PCDH17: variants seen among roughly 807,000 people sequenced by gnomAD.
PCDH17 encodes the protein protocadherin-17.
A neutral mutation model predicts 67.7 loss-of-function variants in PCDH17; 21 were observed. The ratio of observed to expected loss-of-function variants is 0.31; its 90% CI spans 0.22 to 0.45. The LOEUF (loss-of-function observed/expected upper bound fraction) is 0.45, where lower values mean the gene tolerates loss of function less well. PCDH17 is among the 20% of genes least tolerant of loss of function. The pLI, the probability that PCDH17 is intolerant of heterozygous loss-of-function variation, is 1.00. For synonymous variants in PCDH17, 701 were observed against 656.7 expected, an observed-to-expected ratio of 1.07 and a Z score of -1.03; for missense variants, 1,471 against 1,564.8, an observed-to-expected ratio of 0.94 and a Z score of 1.01.
chr13:57,677,186 A>C (rs913425243), intron 3 of PCDH17, among the ~76,000 whole-genome samples: 1 of 151,856 alleles, frequency 6.6e-6, no homozygotes, highest in African/African-American at 2.4e-5. Flanking sequence ...CATTCCAGTG[A>C]GGATTCCTAG....
chr13:57,713,775 G>C (rs1955796813), intron 3 of PCDH17, among the ~76,000 whole-genome samples: 1 of 151,374 alleles, frequency 6.6e-6, no homozygotes, highest in Admixed American at 6.6e-5. Flanking sequence ...AGGGTATTTA[G>C]CTTTAGTTTT....
chr13:57,632,274 C>A lies in PCDH17; in HGVS notation c.-273C>A, dbSNP rs1954735149. ...GAAACCCCTGGCTCACCCCCAGCCG[C>A]AGGAAGCCACCGCCTTGCTCCAAGC... On this transcript the variant is annotated 5_prime_UTR_variant, in exon 1 of 4. Coordinates refer to ENST00000377918, the MANE Select transcript of PCDH17 (RefSeq NM_001040429.3). 4.0e-6 allele frequency: 2 copies of A among 504,648 alleles called. No individual in the cohort carries two copies. Among genetic ancestry groups the A allele is most frequent in the South Asian group, 5.5e-5 (2 of 36,270 alleles). 31.3% of individuals were successfully genotyped at this position (504,648 alleles called of 1,614,324 possible).
intron 3 of PCDH17, among the ~76,000 whole-genome samples, chr13:57,680,389 T>G (rs1413128761): frequency 6.6e-6 from 1 of 151,524 alleles, no homozygotes; most frequent in Non-Finnish European, 1.5e-5. Context: ...AATTTAGAAA[T>G]GGCAAATAAA....
intron 1 of PCDH17, among the ~76,000 whole-genome samples, chr13:57,659,574 A>C (rs1955158183): frequency 6.6e-6 from 1 of 152,006 alleles, no homozygotes; most frequent in African/African-American, 2.4e-5. Context: ...CATTTTGAAT[A>C]CTCTTATATT....
Position 57,634,472 on chromosome 13 carries a change from C to T in PCDH17, c.1926C>T (p.Ser642=), listed in dbSNP as rs1469882178. The change falls in exon 1 of 4, where the codon AGC becomes AGT. Residue 642 remains serine (S), a synonymous_variant. Coordinates refer to ENST00000377918, the MANE Select transcript of PCDH17 (RefSeq NM_001040429.3). The surrounding 1 kb of genome is among the most constrained non-coding windows in gnomAD (Gnocchi z 7.8). ...DDHLFEIDPS[S]GEIRTLHPFW... ...ACCTGTTTGAGATCGACCCGTCCAG[C>T]GGCGAGATCCGCACGCTGCACCCTT... is the stretch of plus-strand genomic sequence containing the variant. The T allele has an allele frequency of 5.6e-6, 9 of 1,612,766 alleles. No homozygotes were observed. The highest frequency in any genetic ancestry group is 7.6e-6 in the Non-Finnish European group (9 of 1,180,002).
At chr13:57,718,073 A>C (rs143724943) in intron 3 of PCDH17, among the ~76,000 whole-genome samples, 1 of 152,106 alleles carries the variant, frequency 6.6e-6, no homozygotes, top group East Asian at 1.9e-4. Context: ...GTGTATCTCT[A>C]TATTAGTTAC....
chr13:57,723,299 T>A (rs976741372), intron 3 of PCDH17, among the ~76,000 whole-genome samples: 1 of 152,198 alleles, frequency 6.6e-6, no homozygotes, highest in Non-Finnish European at 1.5e-5. Flanking sequence ...AATTGTTTTA[T>A]CTTAAAACCT....
At chr13:57,638,386 G>A (rs1217353018) in intron 1 of PCDH17, among the ~76,000 whole-genome samples, 1 of 152,068 alleles carries the variant, frequency 6.6e-6, no homozygotes, top group African/African-American at 2.4e-5. Flanking sequence ...AGGAAAGAGA[G>A]GAGGAGGCTG....
rs1463426209 is a variant in PCDH17, at chr13:57,633,459, G to A, written c.913G>A (p.Val305Met). 3.7e-6 allele frequency: 6 copies of A among 1,613,664 alleles called. No individual in the cohort carries two copies. Among genetic ancestry groups the A allele is most frequent in the Non-Finnish European group, 5.1e-6 (6 of 1,180,050 alleles). ...SIDPKTGLIR[V>M]KGNLDYEENG... ...CGACCCCAAGACCGGCCTAATCCGT[G>A]TGAAGGGCAATCTGGACTATGAGGA... Residue 305 changes from valine (V) to methionine (M), a missense_variant, in exon 1 of 4, where the codon GTG (valine) becomes ATG (methionine). Transcript: ENST00000377918. The surrounding 1 kb of genome is among the most constrained non-coding windows in gnomAD (Gnocchi z 6.2).
chr13:57,719,046 C>T (rs1272351996), intron 3 of PCDH17, among the ~76,000 whole-genome samples: 2 of 151,772 alleles, frequency 1.3e-5, no homozygotes, highest in Non-Finnish European at 2.9e-5. Context: ...TTGTGCAGAC[C>T]GTAAATAGAG....
rs766201115 is a variant in PCDH17 at position 57,725,075 on chromosome 13, C to T, written c.3261C>T (p.Asp1087=). The part of the protein sequence containing the change: ...QYLSPSKQPR[D]PPFMASDQMA... ...TGTCACCTAGTAAGCAACCAAGAGACCCTCCCTTCATGGCTTCCGATCAGA... is the reference window on the plus strand; with the variant it reads ...TGTCACCTAGTAAGCAACCAAGAGATCCTCCCTTCATGGCTTCCGATCAGA... Residue 1087 remains aspartate (D), a synonymous_variant, in exon 4 of 4, where the codon GAC becomes GAT. Coordinates refer to ENST00000377918, the MANE Select transcript of PCDH17 (RefSeq NM_001040429.3). The T allele has an allele frequency of 3.1e-6, 5 of 1,613,974 alleles. No homozygotes were observed.
intron 3 of PCDH17, among the ~76,000 whole-genome samples, chr13:57,712,906 G>C (rs1184737487): frequency 6.6e-6 from 1 of 151,512 alleles, no homozygotes; most frequent in Non-Finnish European, 1.5e-5. Context: ...TCTGGGTATG[G>C]CTGATTATCA....
In PCDH17 at chr13:57,633,335, C is replaced by A; in HGVS notation, c.789C>A (p.Ile263=). 1 of 1,613,224 alleles carries A rather than the reference C, an allele frequency of 6.2e-7. No individual in the cohort carries two copies. Among genetic ancestry groups the A allele is most frequent in the Non-Finnish European group, 8.5e-7 (1 of 1,180,004 alleles). ...ACGCTCCGCTGGGTACAGTGGTCAT[C>A]GATCTGAACGCCACCGACGCCGATG... ...PENAPLGTVV[I]DLNATDADEG... Residue 263 remains isoleucine (I), a synonymous_variant, in exon 1 of 4, where the codon ATC becomes ATA. Coordinates refer to ENST00000377918, the MANE Select transcript of PCDH17 (RefSeq NM_001040429.3). This position sits in a 1 kb window ranked among gnomAD's most constrained non-coding sequence, Gnocchi z 6.2.
At chr13:57,685,142 TGATA>T (rs1462496199) in intron 3 of PCDH17, among the ~76,000 whole-genome samples, 4 of 151,966 alleles carry the variant, frequency 2.6e-5, no homozygotes, top group Admixed American at 6.6e-5. Flanking sequence ...TAAATAGATG[TGATA>T]GATAGTAATT....
chr13:57,662,873 CTTGT>C (rs1450603406), intron 1 of PCDH17, among the ~76,000 whole-genome samples: 1 of 152,060 alleles, frequency 6.6e-6, no homozygotes, highest in Admixed American at 6.6e-5. Context: ...TGCTTGCTCA[CTTGT>C]TTATTTTCCT....
Position 57,633,204 on chromosome 13 carries a change from G to C in PCDH17, c.658G>C (p.Glu220Gln). Residue 220 changes from glutamate (E) to glutamine (Q), a missense_variant, in exon 1 of 4, where the codon GAG becomes CAG. Physicochemically the swap from Glu to Gln is conservative, Grantham distance 29 (BLOSUM62 2). Transcript: ENST00000377918. The surrounding 1 kb of genome is among the most constrained non-coding windows in gnomAD (Gnocchi z 6.2). ...CGTGCTGACTGCCCTGGACGGTGGCGAGCCTCCACGTTCCGCCACCGTACA... is the reference window on the plus strand; with the variant it reads ...CGTGCTGACTGCCCTGGACGGTGGCCAGCCTCCACGTTCCGCCACCGTACA... ...TLVLTALDGG[E>Q]PPRSATVQIN... 2 of 1,613,120 alleles carry C rather than the reference G, an allele frequency of 1.2e-6. No individual in the cohort carries two copies. The highest frequency in any genetic ancestry group is 1.7e-6 in the Non-Finnish European group (2 of 1,179,964).
At chr13:57,638,854 T>C (rs1954856588) in intron 1 of PCDH17, among the ~76,000 whole-genome samples, 1 of 151,996 alleles carries the variant, frequency 6.6e-6, no homozygotes, top group Non-Finnish European at 1.5e-5. Flanking sequence ...TTATTCCCAC[T>C]TTGCTCTAGT....
chr13:57,682,335 C>G (rs1454699186), intron 3 of PCDH17, among the ~76,000 whole-genome samples: 1 of 151,652 alleles, frequency 6.6e-6, no homozygotes, highest in African/African-American at 2.4e-5. Flanking sequence ...CCCAGGCTAC[C>G]CTTCTTACTC....
chr13:57,689,616 T>C (rs1955538608), intron 3 of PCDH17, among the ~76,000 whole-genome samples: 2 of 152,168 alleles, frequency 1.3e-5, no homozygotes, highest in South Asian at 4.1e-4. Flanking sequence ...ATACATTGCA[T>C]ATTTTCTCAA....
Sources: allele counts gnomAD v4.1 joint callset (sites outside exome capture counted in the v4.1 genomes callset), GRCh38; gene constraint gnomAD v4.1.1; non-coding constraint Gnocchi (gnomAD v3.1); transcripts MANE v1.5; gene names NCBI Gene and HGNC (gene_info 2026-07-23, HGNC 2026-07-21).